Variants in USP25 observed in about 807,000 individuals in gnomAD.
USP25 encodes the protein ubiquitin carboxyl-terminal hydrolase 25.
USP25 carries 85 observed loss-of-function variants against 158.5 expected under a neutral mutation model. That is an observed-to-expected ratio of 0.54 (90% confidence interval 0.45 to 0.64). The LOEUF (loss-of-function observed/expected upper bound fraction) is 0.64, where lower values mean the gene tolerates loss of function less well. Among genes scored for constraint, USP25 ranks in the 30% least tolerant of loss-of-function variants. USP25 has a pLI of 0.00. For missense variants in USP25, 1,242 were observed against 1,327.3 expected, an observed-to-expected ratio of 0.94 and a Z score of 1.00; for synonymous variants, 464 against 460.4, an observed-to-expected ratio of 1.01 and a Z score of -0.10.
chr21:15,738,335 C>G (rs563560700), intron 1 of USP25, among the ~76,000 whole-genome samples: 1 of 152,194 alleles, frequency 6.6e-6, no homozygotes, highest in South Asian at 2.1e-4. Flanking sequence ...CTCTCAAATC[C>G]TCTGTCTTTT....
At chr21:15,811,101 A>G in intron 8 of USP25, 36 bp from the exon 9 acceptor site, 1 of 1,573,498 alleles carries the variant, frequency 6.4e-7, no homozygotes, top group Middle Eastern at 1.7e-4. Flanking sequence ...AGGTCCGAAA[A>G]TTGTAATCAC....
At chr21:15,866,878 C>T (rs1265939884) in intron 22 of USP25, among the ~76,000 whole-genome samples, 1 of 152,144 alleles carries the variant, frequency 6.6e-6, no homozygotes, top group Non-Finnish European at 1.5e-5. Flanking sequence ...TTCACAGCCA[C>T]AAGTTTACAG....
intron 2 of USP25, among the ~76,000 whole-genome samples, chr21:15,764,681 T>G (rs2033931113): frequency 6.6e-6 from 1 of 152,196 alleles, no homozygotes; most frequent in Admixed American, 6.5e-5. Context: ...TGGCATATAG[T>G]AAGTGCTCAA....
intron 18 of USP25, among the ~76,000 whole-genome samples, chr21:15,846,548 A>G (rs574535466): frequency 7.9e-5 from 12 of 152,156 alleles, no homozygotes; most frequent in Middle Eastern, 3.4e-3. Context: ...CTCTTTTTCT[A>G]TATATGCTTC....
intron 1 of USP25, among the ~76,000 whole-genome samples, chr21:15,743,238 A>G (rs2123238125): frequency 6.6e-6 from 1 of 152,266 alleles, no homozygotes; most frequent in Non-Finnish European, 1.5e-5. Flanking sequence ...AGCAATTGGG[A>G]GTGTGTAACA....
chr21:15,874,634 CATG>C, intron 24 of USP25, 108 bp downstream of exon 24: 2 of 1,128,744 alleles, frequency 1.8e-6, no homozygotes, highest in Non-Finnish European at 2.4e-6. Context: ...GGGATAAGAA[CATG>C]ATGATGTCTA....
In USP25 at chr21:15,866,251, G is replaced by A; in HGVS notation, c.2727-15G>A. 1.3e-6 allele frequency: 2 copies of A among 1,582,518 alleles called. No homozygotes were observed. The highest frequency in any genetic ancestry group is 1.7e-6 in the Non-Finnish European group (2 of 1,162,442). On this transcript the variant is annotated splice_polypyrimidine_tract_variant and intron_variant, in intron 21 of 25. Coordinates refer to ENST00000400183, the MANE Select transcript of USP25 (RefSeq NM_001283041.3). ...CACATACACACACGCTCATATGTAT[G>A]TGTTTTTTTTTAAGGTGTCACAACA... is the stretch of plus-strand genomic sequence containing the variant.
intron 4 of USP25, among the ~76,000 whole-genome samples, chr21:15,785,856 C>T (rs1200605046): frequency 6.7e-6 from 1 of 150,122 alleles, no homozygotes; most frequent in Non-Finnish European, 1.5e-5. Flanking sequence ...TTCAAAAGAT[C>T]AGTGAAATTT....
chr21:15,842,305 C>T (rs2038373218), intron 17 of USP25, 93 bp from the exon 18 acceptor site: 1 of 1,367,948 alleles, frequency 7.3e-7, no homozygotes, highest in Non-Finnish European at 9.8e-7. Flanking sequence ...TTGGTTCTTA[C>T]ATAACTTCAG....
In USP25 at chr21:15,815,294, G is replaced by T. The variant is rs539000560; in HGVS notation, c.932-3404G>T. 1.6e-4 allele frequency among the ~76,000 whole-genome samples: 24 copies of T among 152,320 alleles called. No individual in the cohort carries two copies. The South Asian group carries it at 4.8e-3, about 30-fold the overall frequency. ...GTTGGGGTCCTCATGGACAACCTCT[G>T]CTAGGGCAGTACGGAAGAGAAATGT... is the stretch of plus-strand genomic sequence containing the variant. On this transcript the variant is annotated intron_variant, in intron 9 of 25. Transcript: ENST00000400183.
chr21:15,859,655 T>C lies in USP25; in HGVS notation c.2548-4613T>C, dbSNP rs888960152. Among the ~76,000 whole-genome samples, 89 of 152,154 alleles carry C rather than the reference T, an allele frequency of 5.8e-4. 1 individual carries two copies. Among genetic ancestry groups the C allele is most frequent in the Non-Finnish European group, 6.5e-4 (44 of 68,024 alleles). ...AAACTTTTAAGTTTTACAGAGTCTGTTCAGTTTTTCTGCCTCTGAAAGCAG... is the reference window on the plus strand; with the variant it reads ...AAACTTTTAAGTTTTACAGAGTCTGCTCAGTTTTTCTGCCTCTGAAAGCAG... On this transcript the variant is annotated intron_variant, in intron 20 of 25. Transcript: ENST00000400183.
chr21:15,756,845 G>C (rs1019224681), intron 1 of USP25, among the ~76,000 whole-genome samples: 6 of 152,118 alleles, frequency 3.9e-5, no homozygotes, highest in African/African-American at 1.4e-4. Flanking sequence ...GCAGTGGGAA[G>C]AGGTTGAACC....
At chr21:15,731,078 A>G (rs1158850694) in intron 1 of USP25, among the ~76,000 whole-genome samples, 1 of 131,810 alleles carries the variant, frequency 7.6e-6, no homozygotes, top group Non-Finnish European at 1.6e-5. Context: ...CCTAAGTTTG[A>G]CCTTGTTCTT....
At chr21:15,761,934 T>A (rs568408719) in intron 1 of USP25, among the ~76,000 whole-genome samples, 1 of 152,240 alleles carries the variant, frequency 6.6e-6, no homozygotes, top group East Asian at 1.9e-4. Context: ...AAGCAGGAAG[T>A]GAGCTTGCTG....
At chr21:15,759,593 G>A (rs2033606307) in intron 1 of USP25, among the ~76,000 whole-genome samples, 1 of 152,212 alleles carries the variant, frequency 6.6e-6, no homozygotes, top group Non-Finnish European at 1.5e-5. Flanking sequence ...ATTATCAATA[G>A]AAAGGAATGT....
intron 24 of USP25, 74 bp from the exon 25 acceptor site, chr21:15,877,722 A>G (rs984636991): frequency 6.6e-6 from 7 of 1,065,596 alleles, no homozygotes; most frequent in Admixed American, 2.7e-5. Flanking sequence ...TGTCTTCCTT[A>G]TTAATACTTA....
At position 15,874,455 on chromosome 21, in the gene USP25, C is replaced by G. The variant is rs937259535; in HGVS notation, c.2938C>G (p.Leu980Val). Reference protein sequence around the residue: ...LICAYQNNKELLSKGLYRGHD... With the variant: ...LICAYQNNKEVLSKGLYRGHD... ...CTGTGCTTATCAGAATAACAAAGAA[C>G]TCTTGTCTAAAGGCTTATACAGAGG... is the stretch of plus-strand genomic sequence containing the variant. The change falls in exon 24 of 26, where the codon CTC becomes GTC. Residue 980 changes from leucine (L) to valine (V), a missense_variant. Leu to Val is a conservative substitution (Grantham distance 32). Coordinates refer to ENST00000400183, the MANE Select transcript of USP25 (RefSeq NM_001283041.3). The G allele has an allele frequency of 1.2e-6, 2 of 1,611,238 alleles. No individual in the cohort carries two copies. Among genetic ancestry groups the G allele is most frequent in the Admixed American group, 3.4e-5 (2 of 59,556 alleles).
intron 4 of USP25, among the ~76,000 whole-genome samples, chr21:15,790,650 C>CTT (rs77394054): frequency 1.8e-4 from 23 of 126,540 alleles, no homozygotes; most frequent in African/African-American, 2.3e-4. Context: ...TAACAAGTTT[C>CTT]TTTTTTTTTT....
intron 8 of USP25, 23 bp downstream of exon 8, chr21:15,808,908 A>T: frequency 6.4e-7 from 1 of 1,571,692 alleles, no homozygotes; most frequent in South Asian, 1.1e-5. Flanking sequence ...GAAGTTTAGC[A>T]ATGGGGTTTT....
Sources: allele counts gnomAD v4.1 joint callset (sites outside exome capture counted in the v4.1 genomes callset), GRCh38; gene constraint gnomAD v4.1.1; transcripts MANE v1.5; gene names NCBI Gene and HGNC (gene_info 2026-07-23, HGNC 2026-07-21).